The following MEGF10 variants were observed in gnomAD, a reference collection of about 807,000 sequenced individuals.
The protein encoded by MEGF10 is multiple epidermal growth factor-like domains protein 10.
MEGF10 carries 86 observed loss-of-function variants against 147.5 expected under a neutral mutation model. The ratio of observed to expected loss-of-function variants is 0.58; its 90% CI spans 0.49 to 0.70. The LOEUF (loss-of-function observed/expected upper bound fraction) is 0.70, where lower values mean the gene tolerates loss of function less well. Among genes scored for constraint, MEGF10 ranks in the 30% least tolerant of loss-of-function variants. The pLI, the probability that MEGF10 is intolerant of heterozygous loss-of-function variation, is 0.00. For missense variants in MEGF10, 1,329 were observed against 1,487.3 expected (o/e 0.89, Z 1.75); for synonymous variants, 478 against 525.5 (o/e 0.91, Z 1.24).
Position 127,328,113 on chromosome 5 carries a change from A to G in MEGF10, c.-18-3178A>G, listed in dbSNP as rs558755109. Among the ~76,000 whole-genome samples the G allele has an allele frequency of 5.9e-5, 9 of 152,286 alleles. No homozygotes were observed. In the East Asian group the frequency reaches 1.5e-3, roughly 26 times the overall value. ...AATCCATGTTTCCTAATTTAGAGAA[A>G]TGCTGTGTTTCTTAGTTCTCTACAG... On this transcript the variant is annotated intron_variant, in intron 1 of 24. Transcript: ENST00000503335.
rs577998911 is a variant in MEGF10 at position 127,311,347 on chromosome 5, A to G, written c.-18-19944A>G. ...TAAATACAGAGACAGCCTGAAGGAC[A>G]TTCTTCTTTACACTTGGCAGTTCCA... On this transcript the variant is annotated intron_variant, in intron 1 of 24. Coordinates refer to ENST00000503335, the MANE Select transcript of MEGF10 (RefSeq NM_001256545.2). Among the ~76,000 whole-genome samples the G allele has an allele frequency of 3.9e-5, 6 of 152,362 alleles. No individual in the cohort carries two copies. In the South Asian group the frequency reaches 1.0e-3, roughly 26 times the overall value.
intron 2 of MEGF10, among the ~76,000 whole-genome samples, chr5:127,337,439 T>G (rs1394244761): frequency 6.6e-6 from 1 of 152,118 alleles, no homozygotes; most frequent in African/African-American, 2.4e-5. Flanking sequence ...AAATTTGAAT[T>G]ATTTAATTTC....
rs570109364 is a variant in MEGF10, at chr5:127,359,180, C to T, written c.320-10730C>T. Among the ~76,000 whole-genome samples, 7 of 151,856 alleles carry T rather than the reference C, an allele frequency of 4.6e-5. No individual in the cohort carries two copies. In the East Asian group the frequency reaches 1.4e-3, roughly 29 times the overall value. On this transcript the variant is annotated intron_variant, in intron 4 of 24. Coordinates refer to ENST00000503335, the MANE Select transcript of MEGF10 (RefSeq NM_001256545.2). Reference sequence around the variant, plus strand: ...AATATTTATTGGGAGGGTCTAAAGCCAATACCTTCATAGGCATTTAAAGAG... The same window carrying T: ...AATATTTATTGGGAGGGTCTAAAGCTAATACCTTCATAGGCATTTAAAGAG...
At chr5:127,271,811 A>G in the MEGF10 span, among the ~76,000 whole-genome samples, 1 of 152,156 alleles carries the variant, frequency 6.6e-6, no homozygotes, top group African/African-American at 2.4e-5. Context: ...GGAACTACGA[A>G]TCAATTAAAT....
At chr5:127,239,385 A>G in the MEGF10 span, among the ~76,000 whole-genome samples, 2 of 146,452 alleles carry the variant, frequency 1.4e-5, no homozygotes, top group Non-Finnish European at 3.0e-5. Flanking sequence ...AGACACACAC[A>G]CACACACACA....
chr5:127,457,021 A>AT (rs1561659063), intron 24 of MEGF10, 107 bp from the exon 25 acceptor site: 7 of 1,136,516 alleles, frequency 6.2e-6, no homozygotes, highest in Non-Finnish European at 8.5e-6. Flanking sequence ...ATTTCCTTAT[A>AT]TTTTTTTAAA....
At chr5:127,326,128 T>A (rs887785989) in intron 1 of MEGF10, among the ~76,000 whole-genome samples, 2 of 151,774 alleles carry the variant, frequency 1.3e-5, no homozygotes, top group African/African-American at 4.8e-5. Context: ...TTGCTGAGGC[T>A]AGTCGCAAAC....
chr5:127,455,723 GTATTTTATTTTATTT>G, intron 24 of MEGF10, 116 bp downstream of exon 24: 1 of 767,932 alleles, frequency 1.3e-6, no homozygotes. Flanking sequence ...ATAATGGTCC[GTATTTTATTTTATTT>G]TATTTTATTT....
the MEGF10 span, among the ~76,000 whole-genome samples, chr5:127,249,157 G>A: frequency 2.0e-5 from 3 of 151,930 alleles, no homozygotes; most frequent in African/African-American, 7.2e-5. Context: ...CTGTGTTGTG[G>A]CATTTCTAAT....
intron 9 of MEGF10, among the ~76,000 whole-genome samples, chr5:127,417,058 A>T (rs1393884885): frequency 6.6e-6 from 1 of 152,246 alleles, no homozygotes; most frequent in Non-Finnish European, 1.5e-5. Context: ...GTTTTGAGCC[A>T]GCATGCCACA....
chr5:127,434,737 T>G lies in MEGF10; in HGVS notation c.1891T>G (p.Cys631Gly). ...TCGCTGCAGCCAGACATGCCCACAG[T>G]GCGTTCACAGCAGCGGGCCCTGCCA... ...GHRCSQTCPQCVHSSGPCHHI... is the reference protein window; with the variant it reads ...GHRCSQTCPQGVHSSGPCHHI... Residue 631 changes from cysteine (C) to glycine (G), a missense_variant, in exon 15 of 25, where the codon TGC becomes GGC. Physicochemically the swap from Cys to Gly is radical, Grantham distance 159. Coordinates refer to ENST00000503335, the MANE Select transcript of MEGF10 (RefSeq NM_001256545.2). 6.2e-7 allele frequency: 1 copy of G among 1,614,024 alleles called. No homozygotes were observed. Among genetic ancestry groups the G allele is most frequent in the Non-Finnish European group, 8.5e-7 (1 of 1,180,014 alleles).
intron 1 of MEGF10, among the ~76,000 whole-genome samples, chr5:127,293,235 A>C (rs1377002299): frequency 6.6e-6 from 1 of 152,210 alleles, no homozygotes; most frequent in Non-Finnish European, 1.5e-5. Flanking sequence ...CATTTGTTTT[A>C]GGTACATAAA....
intron 4 of MEGF10, among the ~76,000 whole-genome samples, chr5:127,355,709 C>T (rs1304671587): frequency 6.6e-6 from 1 of 152,152 alleles, no homozygotes; most frequent in African/African-American, 2.4e-5. Context: ...AACAAGAAAC[C>T]TTTGTTGCTT....
In MEGF10 at chr5:127,458,720, C is replaced by A. The variant is rs983693884; in HGVS notation, c.*1402C>A. The A allele has an allele frequency of 2.0e-5, 3 of 152,020 alleles. No homozygotes were observed. Among genetic ancestry groups the A allele is most frequent in the African/African-American group, 7.3e-5 (3 of 41,374 alleles). The allele number at this position is 152,020 out of a possible 1,614,324, so 9.4% of individuals were successfully genotyped here. On this transcript the variant is annotated 3_prime_UTR_variant, in exon 25 of 25. Coordinates refer to ENST00000503335, the MANE Select transcript of MEGF10 (RefSeq NM_001256545.2). ...ATTCCAAAATAGAGTTCCTTTTGAT[C>A]TGTTGGTGCTGAGCCTTGGTTAAAC...
the MEGF10 span, among the ~76,000 whole-genome samples, chr5:127,234,999 A>G: frequency 2.0e-5 from 3 of 152,056 alleles, no homozygotes; most frequent in African/African-American, 7.2e-5. Flanking sequence ...GCATGCCACC[A>G]TGCCCAGCTA....
At chr5:127,236,041 C>T in the MEGF10 span, among the ~76,000 whole-genome samples, 2 of 151,958 alleles carry the variant, frequency 1.3e-5, no homozygotes, top group South Asian at 2.1e-4. Flanking sequence ...GGTGCGATCT[C>T]GGCTCACTCC....
chr5:127,298,010 C>T (rs1396891369), intron 1 of MEGF10, among the ~76,000 whole-genome samples: 2 of 152,200 alleles, frequency 1.3e-5, no homozygotes, highest in Admixed American at 1.3e-4. Context: ...CGAAGCCACT[C>T]ACCCAGCCAC....
intron 4 of MEGF10, among the ~76,000 whole-genome samples, chr5:127,345,033 T>G (rs1442504834): frequency 6.6e-6 from 1 of 152,188 alleles, no homozygotes; most frequent in African/African-American, 2.4e-5. Context: ...AAGTTTCATA[T>G]TAATACATTG....
At chr5:127,302,680 G>T (rs1262888589) in intron 1 of MEGF10, among the ~76,000 whole-genome samples, 1 of 152,222 alleles carries the variant, frequency 6.6e-6, no homozygotes, top group Non-Finnish European at 1.5e-5. Context: ...GCATAGATCA[G>T]TTGACCCCTG....
Sources: gnomAD v4.1 joint callset for allele counts (sites outside exome capture counted in the v4.1 genomes callset) on GRCh38, gnomAD v4.1.1 for gene constraint, MANE v1.5 for transcripts, NCBI Gene and HGNC (gene_info 2026-07-23, HGNC 2026-07-21) for gene names.